Variants in LRIG1 observed in about 807,000 individuals in gnomAD.
LRIG1 encodes the protein leucine-rich repeats and immunoglobulin-like domains protein 1.
LRIG1 carries 48 observed loss-of-function variants against 99.2 expected under a neutral mutation model. That is an observed-to-expected ratio of 0.48 (90% CI 0.38 to 0.62). LRIG1 has a LOEUF of 0.62. Ranked by LOEUF, LRIG1 falls within the 20% of genes least tolerant of loss-of-function variation. The pLI is 0.00. For missense variants in LRIG1, 1,646 were observed against 1,434.4 expected (o/e 1.15, Z -2.38); for synonymous variants, 772 against 596.1 (o/e 1.29, Z -4.30).
At chr3:66,468,732 A>T (rs1215601714) in intron 1 of LRIG1, among the ~76,000 whole-genome samples, 1 of 152,202 alleles carries the variant, frequency 6.6e-6, no homozygotes, top group Non-Finnish European at 1.5e-5. Flanking sequence ...GGGACTCACC[A>T]GAAAAAGGTG....
intron 1 of LRIG1, among the ~76,000 whole-genome samples, chr3:66,475,601 G>A (rs1700704296): frequency 6.6e-6 from 1 of 152,196 alleles, no homozygotes; most frequent in Non-Finnish European, 1.5e-5. Context: ...CTGCGAAACT[G>A]TGCTGACAAC....
chr3:66,420,467 A>G (rs2106707791), intron 3 of LRIG1, among the ~76,000 whole-genome samples: 1 of 152,354 alleles, frequency 6.6e-6, no homozygotes, highest in South Asian at 2.1e-4. Context: ...ACTTCTGCAT[A>G]TCTAAATAAC....
chr3:66,457,409 T>C (rs1452131345), intron 2 of LRIG1, among the ~76,000 whole-genome samples: 1 of 152,008 alleles, frequency 6.6e-6, no homozygotes, highest in Non-Finnish European at 1.5e-5. Context: ...ATTCATCTCA[T>C]CCATCTCACA....
intron 13 of LRIG1, among the ~76,000 whole-genome samples, chr3:66,385,223 G>A (rs574895454): frequency 1.3e-5 from 2 of 152,030 alleles, no homozygotes; most frequent in Non-Finnish European, 2.9e-5. Context: ...GTAAAAACCT[G>A]TCAACTGCCA....
chr3:66,413,481 T>C (rs1702531431), intron 5 of LRIG1, among the ~76,000 whole-genome samples: 1 of 152,156 alleles, frequency 6.6e-6, no homozygotes, highest in African/African-American at 2.4e-5. Flanking sequence ...GCAATAACAC[T>C]TTCCACTGGG....
intron 6 of LRIG1, 124 bp from the exon 7 acceptor site, chr3:66,410,396 AGAACT>A: frequency 1.2e-6 from 1 of 854,510 alleles, no homozygotes; most frequent in Non-Finnish European, 1.8e-6. Flanking sequence ...AGTGCACGAC[AGAACT>A]GTGGAGTCTA....
chr3:66,380,203 GCCT>G lies in LRIG1; in HGVS notation c.*57_*59del. The G allele has an allele frequency of 7.0e-7, 1 of 1,423,052 alleles. No individual in the cohort carries two copies. The highest frequency in any genetic ancestry group is 9.6e-7 in the Non-Finnish European group (1 of 1,039,028). 88.2% of individuals were successfully genotyped at this position (1,423,052 alleles called of 1,614,324 possible). On this transcript the variant is annotated 3_prime_UTR_variant, in exon 19 of 19. Transcript: ENST00000273261. ...ACGCTTGAACCCAAGCTTCCTCGCA[GCCT>G]CTCCTACCTCTCTTTCCCGTAGAGA...
At position 66,500,403 on chromosome 3, in the gene LRIG1, G is replaced by A. The variant is rs866271937; in HGVS notation, c.5C>T (p.Ala2Val). 3 of 1,415,042 alleles carry A rather than the reference G, an allele frequency of 2.1e-6. No individual in the cohort carries two copies. Among genetic ancestry groups the A allele is most frequent in the South Asian group, 1.5e-5 (1 of 64,826 alleles). 87.7% of individuals were successfully genotyped at this position (1,415,042 alleles called of 1,614,324 possible). A position where few individuals can be genotyped will look rare whatever the true frequency, so the allele number is the denominator to read the frequency against. ...CCCGAGCCCTCCCCGGACCGGCCGC[G>A]CCATCTTGTCTGGAGCGCGCTGCGA... M[A>V]RPVRGGLGAP... Residue 2 changes from alanine (A) to valine (V), a missense_variant, in exon 1 of 19, where the codon GCG becomes GTG. Coordinates refer to ENST00000273261, the MANE Select transcript of LRIG1 (RefSeq NM_015541.3).
At chr3:66,444,911 CTATATACATATATATACATA>C (rs1287708672) in intron 3 of LRIG1, among the ~76,000 whole-genome samples, 5 of 151,208 alleles carry the variant, frequency 3.3e-5, no homozygotes, top group African/African-American at 1.2e-4. Flanking sequence ...CTGTATCTAT[CTATATACATATATATACATA>C]TATACACATA....
At chr3:66,423,300 G>T (rs1439800963) in intron 3 of LRIG1, among the ~76,000 whole-genome samples, 1 of 152,188 alleles carries the variant, frequency 6.6e-6, no homozygotes, top group South Asian at 2.1e-4. Context: ...GCCAGGCACG[G>T]TGGCTCACGC....
intron 3 of LRIG1, among the ~76,000 whole-genome samples, chr3:66,427,227 AC>A (rs1703012389): frequency 6.6e-6 from 1 of 152,198 alleles, no homozygotes; most frequent in Admixed American, 6.5e-5. Context: ...CACTGTCACC[AC>A]CCACATACAG....
At position 66,476,394 on chromosome 3, in the gene LRIG1, G is replaced by A. The variant is rs1190019068; in HGVS notation, c.219-13885C>T. ...TAGCCTCTCCTCTCCCCCAGATAAG[G>A]GCCTAATCACAATTCTCTTTCCCAG... On this transcript the variant is annotated intron_variant, in intron 1 of 18. Coordinates refer to ENST00000273261, the MANE Select transcript of LRIG1 (RefSeq NM_015541.3). Among the ~76,000 whole-genome samples, 3 of 152,004 alleles carry A rather than the reference G, an allele frequency of 2.0e-5. No individual in the cohort carries two copies. In the East Asian group the frequency reaches 5.8e-4, roughly 29 times the overall value.
intron 15 of LRIG1, 69 bp from the exon 16 acceptor site, chr3:66,382,467 T>A: frequency 5.7e-6 from 9 of 1,580,024 alleles, no homozygotes; most frequent in Non-Finnish European, 7.8e-6. Context: ...ACGTTCACTG[T>A]CAAGCTCAGA....
At position 66,417,226 on chromosome 3, in the gene LRIG1, T is replaced by C; in HGVS notation, c.406A>G (p.Lys136Glu). Residue 136 changes from lysine to glutamate, a missense_variant, in exon 4 of 19, where the codon AAG becomes GAG. Physicochemically the swap from Lys to Glu is moderately conservative, Grantham distance 56. Coordinates refer to ENST00000273261, the MANE Select transcript of LRIG1 (RefSeq NM_015541.3). ...KIRSVEGSQL[K>E]AYLSLEVLDL... ...AACACTTCTAAGGAAAGGTAGGCCT[T>C]CAGCTGGCTCCCCTCCACGCTGCGA... is the stretch of plus-strand genomic sequence containing the variant. 6 of 1,614,148 alleles carry C rather than the reference T, an allele frequency of 3.7e-6. No homozygotes were observed. The highest frequency in any genetic ancestry group is 5.1e-6 in the Non-Finnish European group (6 of 1,180,020).
chr3:66,478,250 G>A (rs1380510165), intron 1 of LRIG1, among the ~76,000 whole-genome samples: 4 of 152,222 alleles, frequency 2.6e-5, no homozygotes, highest in Admixed American at 1.3e-4. Flanking sequence ...TTCAGTGCAT[G>A]TAGGTGGTCC....
chr3:66,486,654 C>T (rs771695839), intron 1 of LRIG1, among the ~76,000 whole-genome samples: 1 of 152,110 alleles, frequency 6.6e-6, no homozygotes, highest in African/African-American at 2.4e-5. Context: ...TCAAAACAAA[C>T]GAAAAGGGTC....
At chr3:66,474,421 C>T (rs1021687501) in intron 1 of LRIG1, among the ~76,000 whole-genome samples, 1 of 151,516 alleles carries the variant, frequency 6.6e-6, no homozygotes, top group African/African-American at 2.4e-5. Flanking sequence ...TCTCAGCTCA[C>T]TGCAAACCCT....
intron 2 of LRIG1, among the ~76,000 whole-genome samples, chr3:66,454,317 C>T (rs1239418257): frequency 6.6e-6 from 1 of 152,196 alleles, no homozygotes; most frequent in African/African-American, 2.4e-5. Context: ...CTCTGAGATG[C>T]AAAGAACTTC....
At chr3:66,461,944 G>A (rs547436841) in intron 2 of LRIG1, among the ~76,000 whole-genome samples, 3 of 152,030 alleles carry the variant, frequency 2.0e-5, no homozygotes, top group Non-Finnish European at 2.9e-5. Flanking sequence ...GGAAATACAC[G>A]TTTGGTGGCT....
Sources: allele counts gnomAD v4.1 joint callset (sites outside exome capture counted in the v4.1 genomes callset), GRCh38; gene constraint gnomAD v4.1.1; transcripts MANE v1.5; gene names NCBI Gene and HGNC (gene_info 2026-07-23, HGNC 2026-07-21).